ARFGEF1: variants seen among roughly 807,000 people sequenced by gnomAD.
ARFGEF1 encodes the protein brefeldin A-inhibited guanine nucleotide-exchange protein 1.
ARFGEF1 carries 42 observed loss-of-function variants against 231.0 expected under a neutral mutation model. The ratio of observed to expected loss-of-function variants is 0.18; its 90% CI spans 0.14 to 0.24. The LOEUF is 0.24. ARFGEF1 is among the 10% of genes least tolerant of loss of function. The pLI, the probability that ARFGEF1 is intolerant of heterozygous loss-of-function variation, is 1.00. For missense variants in ARFGEF1, 1,345 were observed against 2,192.0 expected (o/e 0.61, Z 7.72); for synonymous variants, 710 against 732.3 (o/e 0.97, Z 0.49).
chr8:67,178,089 T>C (rs1457455825), intron 5 of ARFGEF1, among the ~76,000 whole-genome samples: 3 of 152,238 alleles, frequency 2.0e-5, no homozygotes, highest in African/African-American at 7.2e-5. Context: ...ATAAGTTTTA[T>C]GTAAGTGTTT....
intron 1 of ARFGEF1, among the ~76,000 whole-genome samples, chr8:67,321,292 C>T (rs1387011960): frequency 2.6e-5 from 4 of 152,126 alleles, no homozygotes; most frequent in South Asian, 4.1e-4. Flanking sequence ...TGTATGTTAA[C>T]GTAAAAAACA....
In ARFGEF1 at chr8:67,302,347, C is replaced by T. The variant is rs548245009; in HGVS notation, c.155+89G>A. On this transcript the variant is annotated intron_variant, in intron 2 of 38. Transcript: ENST00000262215. ...ATAAAACTCACATGCAGAGAATTTGCCACACTAAAATACAGATGACTATAT... is the reference window on the plus strand; with the variant it reads ...ATAAAACTCACATGCAGAGAATTTGTCACACTAAAATACAGATGACTATAT... The T allele has an allele frequency of 6.3e-5, 59 of 937,022 alleles. No homozygotes were observed. In the East Asian group the frequency reaches 1.5e-3, roughly 24 times the overall value. 58.0% of individuals were successfully genotyped at this position (937,022 alleles called of 1,614,324 possible).
intron 34 of ARFGEF1, among the ~76,000 whole-genome samples, chr8:67,207,395 T>G (rs2129577584): frequency 6.6e-6 from 1 of 152,284 alleles, no homozygotes; most frequent in Non-Finnish European, 1.5e-5. Flanking sequence ...GAGGCTGTAC[T>G]CTGAACAGGG....
intron 22 of ARFGEF1, among the ~76,000 whole-genome samples, 191 bp from the exon 23 acceptor site, chr8:67,233,136 C>T (rs1001191003): frequency 1.3e-5 from 2 of 151,946 alleles, no homozygotes; most frequent in African/African-American, 4.8e-5. Flanking sequence ...AAGTAGTATA[C>T]AACACATGGT....
intron 22 of ARFGEF1, 104 bp from the exon 23 acceptor site, chr8:67,233,049 T>C: frequency 1.1e-6 from 1 of 936,958 alleles, no homozygotes; most frequent in South Asian, 1.6e-5. Context: ...GCTTTCCTAA[T>C]AACAGAATGC....
intron 11 of ARFGEF1, 42 bp from the exon 12 acceptor site, chr8:67,267,272 A>G (rs1287860684): frequency 6.2e-7 from 1 of 1,602,332 alleles, no homozygotes; most frequent in South Asian, 1.1e-5. Flanking sequence ...TACATCTAGG[A>G]TATGAGTACA....
rs1838335421 is a variant in ARFGEF1 at position 67,201,721 on chromosome 8, AAAACGGAGC to A, written c.5129-125_5129-117del. 8.5e-5 allele frequency: 116 copies of A among 1,369,968 alleles called. 1 individual carries two copies. Among genetic ancestry groups the A allele is most frequent in the Non-Finnish European group, 1.1e-4 (111 of 991,914 alleles). 84.9% of individuals were successfully genotyped at this position (1,369,968 alleles called of 1,614,324 possible). On this transcript the variant is annotated intron_variant, in intron 36 of 38. Coordinates refer to ENST00000262215, the MANE Select transcript of ARFGEF1 (RefSeq NM_006421.5). ...TCAGCCATCAGCATCTGCTGCTTAC[AAAACGGAGC>A]CACAGCAGCCTGATGTGAAGGTGAT... is the stretch of plus-strand genomic sequence containing the variant.
intron 32 of ARFGEF1, 107 bp from the exon 33 acceptor site, chr8:67,216,769 C>A: frequency 1.3e-6 from 1 of 775,354 alleles, no homozygotes; most frequent in Non-Finnish European, 2.0e-6. Context: ...ACCAACTAAA[C>A]AGTCCATCTT....
intron 1 of ARFGEF1, among the ~76,000 whole-genome samples, chr8:67,325,908 C>A (rs540266859): frequency 1.3e-5 from 2 of 152,118 alleles, no homozygotes; most frequent in African/African-American, 4.8e-5. Flanking sequence ...AAAGGCTGGG[C>A]GCAGTGGCTC....
At chr8:67,231,283 G>A (rs961990858) in intron 23 of ARFGEF1, among the ~76,000 whole-genome samples, 15 of 151,940 alleles carry the variant, frequency 9.9e-5, no homozygotes, top group Admixed American at 5.3e-4. Context: ...TATAACTTTC[G>A]GTGTTTTCAC....
At chr8:67,337,773 T>G (rs1258556083) in intron 1 of ARFGEF1, among the ~76,000 whole-genome samples, 1 of 152,168 alleles carries the variant, frequency 6.6e-6, no homozygotes, top group Non-Finnish European at 1.5e-5. Flanking sequence ...ACTCCCACCC[T>G]TTTCCCTTTA....
chr8:67,183,558 C>T (rs1032269441), intron 5 of ARFGEF1, among the ~76,000 whole-genome samples: 7 of 152,052 alleles, frequency 4.6e-5, no homozygotes, highest in African/African-American at 9.7e-5. Flanking sequence ...ACGCATAGGT[C>T]AGAGAAAAAA....
At chr8:67,197,089 T>C (rs887007092), downstream of ARFGEF1, among the ~76,000 whole-genome samples, 1 of 152,172 alleles carries the variant, frequency 6.6e-6, no homozygotes, top group Non-Finnish European at 1.5e-5. Context: ...AAGAGAACTT[T>C]AGCTCTTTTC....
intron 5 of ARFGEF1, among the ~76,000 whole-genome samples, chr8:67,192,332 C>T (rs1242834443): frequency 6.6e-6 from 1 of 152,202 alleles, no homozygotes; most frequent in Admixed American, 6.5e-5. Flanking sequence ...GCCTCGGCCT[C>T]CCAGAGTGCT....
At chr8:67,277,154 T>C in intron 8 of ARFGEF1, 128 bp downstream of exon 8, 1 of 964,294 alleles carries the variant, frequency 1.0e-6, no homozygotes. Flanking sequence ...CCCAAGTTTC[T>C]TATTTCCCCA....
intron 22 of ARFGEF1, among the ~76,000 whole-genome samples, chr8:67,235,035 T>C (rs1386963541): frequency 2.6e-5 from 4 of 151,304 alleles, no homozygotes; most frequent in African/African-American, 9.7e-5. Context: ...AGGAAATATA[T>C]ATATGTTCTG....
intron 36 of ARFGEF1, among the ~76,000 whole-genome samples, chr8:67,202,836 C>T (rs1335364153): frequency 1.3e-5 from 2 of 152,028 alleles, no homozygotes; most frequent in Admixed American, 6.6e-5. Flanking sequence ...GTTGGGTAAA[C>T]AAGATGAAAG....
rs113048151 is a variant in ARFGEF1 at position 67,190,512 on chromosome 8, G to A, written c.560+9884C>T. 0.024 allele frequency: 15,182 copies of A among 635,498 alleles called. 253 individuals are homozygous for A. The highest frequency in any genetic ancestry group is 0.031 in the Non-Finnish European group (10,914 of 351,826). The allele number at this position is 635,498 out of a possible 1,614,324, so 39.4% of individuals were successfully genotyped here. A position where few individuals can be genotyped will look rare whatever the true frequency, so the allele number is the denominator to read the frequency against. On this transcript the variant is annotated intron_variant, in intron 5 of 5. Transcript: ENST00000518789. ...CTGTAAATTTACTAAAAAAATCACC[G>A]AACTGTGTATGTACATACATTGAGT...
intron 9 of ARFGEF1, 37 bp from the exon 10 acceptor site, chr8:67,271,973 G>C: frequency 2.2e-6 from 3 of 1,344,178 alleles, no homozygotes; most frequent in Non-Finnish European, 3.1e-6. Flanking sequence ...ATATGAACAA[G>C]GTTGGCATTA....
Sources: allele counts gnomAD v4.1 joint callset (sites outside exome capture counted in the v4.1 genomes callset), GRCh38; gene constraint gnomAD v4.1.1; transcripts MANE v1.5; gene names NCBI Gene and HGNC (gene_info 2026-07-23, HGNC 2026-07-21).